The following KCNK2 variants were observed in gnomAD, a reference collection of about 807,000 sequenced individuals.
KCNK2 encodes the protein potassium channel subfamily K member 2.
A neutral mutation model predicts 40.5 loss-of-function variants in KCNK2; 21 were observed. The observed-to-expected ratio is 0.52, with a 90% CI of 0.37 to 0.75. The LOEUF (loss-of-function observed/expected upper bound fraction) is 0.75. Ranked by LOEUF, KCNK2 falls within the 30% of genes least tolerant of loss-of-function variation. The pLI is 0.00. For missense variants in KCNK2, 399 were observed against 531.6 expected, an observed-to-expected ratio of 0.75 and a Z score of 2.45; for synonymous variants, 191 against 202.2, an observed-to-expected ratio of 0.94 and a Z score of 0.47.
intron 2 of KCNK2, among the ~76,000 whole-genome samples, chr1:215,109,460 T>A (rs991394395): frequency 6.6e-6 from 1 of 152,178 alleles, no homozygotes; most frequent in East Asian, 1.9e-4. Flanking sequence ...ACATGTGAGA[T>A]TTATATTTCT....
chr1:215,048,662 G>A (rs896179924), intron 1 of KCNK2, among the ~76,000 whole-genome samples: 12 of 152,106 alleles, frequency 7.9e-5, no homozygotes, highest in Non-Finnish European at 1.5e-4. Context: ...AGAGTAAATT[G>A]TATGCCCTTT....
intron 3 of KCNK2, among the ~76,000 whole-genome samples, chr1:215,131,402 G>A (rs1051426366): frequency 6.9e-6 from 1 of 144,974 alleles, no homozygotes; most frequent in Non-Finnish European, 1.5e-5. Flanking sequence ...TATGTAATTA[G>A]TATATTTATA....
intron 3 of KCNK2, among the ~76,000 whole-genome samples, chr1:215,157,675 C>A (rs766431080): frequency 3.3e-5 from 5 of 152,136 alleles, no homozygotes; most frequent in Non-Finnish European, 5.9e-5. Context: ...TTACTTAAGG[C>A]AATGAAGATG....
intron 2 of KCNK2, among the ~76,000 whole-genome samples, chr1:215,123,073 C>T (rs1286009024): frequency 3.9e-5 from 6 of 152,018 alleles, no homozygotes; most frequent in Admixed American, 3.3e-4. Context: ...AATGTGACAA[C>T]TTTATTCCTA....
At chr1:215,143,399 T>C (rs1662273019) in intron 3 of KCNK2, among the ~76,000 whole-genome samples, 1 of 152,160 alleles carries the variant, frequency 6.6e-6, no homozygotes, top group Non-Finnish European at 1.5e-5. Flanking sequence ...TTTTAAAATG[T>C]CATAGGTCAG....
At chr1:215,073,811 T>C (rs773905714) in intron 1 of KCNK2, among the ~76,000 whole-genome samples, 8 of 152,230 alleles carry the variant, frequency 5.3e-5, no homozygotes, top group Non-Finnish European at 7.3e-5. Context: ...TGGCTGGACA[T>C]GGTAAGCCCT....
intron 2 of KCNK2, among the ~76,000 whole-genome samples, chr1:215,115,609 T>C (rs12411068): frequency 0.06 from 9,165 of 152,200 alleles, 671 homozygotes; most frequent in East Asian, 0.32. Context: ...ATAAATATCT[T>C]ACTGTCCTAG....
intron 3 of KCNK2, among the ~76,000 whole-genome samples, chr1:215,125,210 C>T (rs1661361905): frequency 6.6e-6 from 1 of 151,904 alleles, no homozygotes; most frequent in Admixed American, 6.6e-5. Context: ...ATGATGATTA[C>T]TTCAGGGCTT....
At chr1:215,085,112 C>T (rs1002838479) in intron 1 of KCNK2, among the ~76,000 whole-genome samples, 3 of 152,036 alleles carry the variant, frequency 2.0e-5, no homozygotes, top group African/African-American at 7.3e-5. Flanking sequence ...ATTTCAGATG[C>T]CTGTAGGGTA....
chr1:215,093,657 A>G (rs1351868116), intron 2 of KCNK2, among the ~76,000 whole-genome samples: 2 of 90,000 alleles, frequency 2.2e-5, no homozygotes, highest in African/African-American at 1.4e-4. Flanking sequence ...TATAGAATAT[A>G]GGATATATAT....
In KCNK2 at chr1:215,169,370, T is replaced by C. The variant is rs1458022653; in HGVS notation, c.636+11T>C. ...GAAGATACGTTTATTGTGAGTATGA[T>C]AGATATTTAACTACGTATATTTATT... On this transcript the variant is annotated intron_variant, in intron 4 of 6. Transcript: ENST00000444842. The C allele has an allele frequency of 1.3e-6, 2 of 1,586,224 alleles. No individual in the cohort carries two copies. The highest frequency in any genetic ancestry group is 1.3e-5 in the African/African-American group (1 of 74,244).
intron 5 of KCNK2, among the ~76,000 whole-genome samples, chr1:215,194,037 C>G (rs1255494195): frequency 1.3e-5 from 2 of 151,924 alleles, no homozygotes; most frequent in Admixed American, 1.3e-4. Context: ...TGCAATATAC[C>G]CCATTGAGGT....
chr1:215,017,373 A>G (rs1400163501), intron 1 of KCNK2, among the ~76,000 whole-genome samples: 3 of 152,160 alleles, frequency 2.0e-5, no homozygotes, highest in Admixed American at 6.5e-5. Context: ...GGTAAAGAAA[A>G]TGTGGTATAT....
In KCNK2 at chr1:215,101,680, T is replaced by G. The variant is rs61818308; in HGVS notation, c.357+15002T>G. On this transcript the variant is annotated intron_variant, in intron 2 of 6. Coordinates refer to ENST00000444842, the MANE Select transcript of KCNK2 (RefSeq NM_001017425.3). Reference sequence around the variant, plus strand: ...GCAAATACAGTCTCATGCCGCATAATGACATCTTGGTCAATGATGGATTGC... The same window carrying G: ...GCAAATACAGTCTCATGCCGCATAAGGACATCTTGGTCAATGATGGATTGC... Among the ~76,000 whole-genome samples the G allele has an allele frequency of 9.6e-3, 1,465 of 152,146 alleles. 23 individuals carry two copies. Among genetic ancestry groups the G allele is most frequent in the South Asian group, 0.06 (290 of 4,824 alleles).
chr1:215,111,650 A>G (rs1218035927), intron 2 of KCNK2, among the ~76,000 whole-genome samples: 1 of 151,884 alleles, frequency 6.6e-6, no homozygotes, highest in Non-Finnish European at 1.5e-5. Context: ...TTTTGTTCAT[A>G]CATTATTTTT....
chr1:215,234,723 A>G, intron 6 of KCNK2, 105 bp from the exon 7 acceptor site: 1 of 1,090,026 alleles, frequency 9.2e-7, no homozygotes. Flanking sequence ...AGACTACTCC[A>G]CTCTTCTTTT....
intron 6 of KCNK2, among the ~76,000 whole-genome samples, chr1:215,229,688 A>G (rs917011258): frequency 2.0e-5 from 3 of 152,002 alleles, no homozygotes; most frequent in African/African-American, 7.2e-5. Flanking sequence ...AAAAGAAAAA[A>G]AAAGATTTTG....
chr1:215,216,845 G>A (rs1665984983), intron 6 of KCNK2, among the ~76,000 whole-genome samples: 1 of 152,084 alleles, frequency 6.6e-6, no homozygotes, highest in South Asian at 2.1e-4. Flanking sequence ...AAGCACCCAG[G>A]AGCCACAATG....
chr1:215,036,209 T>G (rs556551176), intron 1 of KCNK2, among the ~76,000 whole-genome samples: 1 of 151,966 alleles, frequency 6.6e-6, no homozygotes, highest in Non-Finnish European at 1.5e-5. Context: ...TTGATTTTTT[T>G]GAGTGTGTAT....
Sources: gnomAD v4.1 joint callset for allele counts (sites outside exome capture counted in the v4.1 genomes callset) on GRCh38, gnomAD v4.1.1 for gene constraint, MANE v1.5 for transcripts, NCBI Gene and HGNC (gene_info 2026-07-23, HGNC 2026-07-21) for gene names.